The following BTD variants were observed in gnomAD, a reference collection of about 807,000 sequenced individuals.
The protein encoded by BTD is biocytinase.
BTD carries 13 observed loss-of-function variants against 17.7 expected under a neutral mutation model. That is an observed-to-expected ratio of 0.74 (90% CI 0.48 to 1.17). The LOEUF (loss-of-function observed/expected upper bound fraction) is 1.17, where lower values mean the gene tolerates loss of function less well. BTD is among the 50% of genes most tolerant of loss of function. The pLI is 0.00. For synonymous variants in BTD, 240 were observed against 245.2 expected (o/e 0.98, Z 0.20); for missense variants, 674 against 650.4 (o/e 1.04, Z -0.39).
At chr3:15,677,488 A>G in intron 3 of BTD, 1 of 1,611,242 alleles carries the variant, frequency 6.2e-7, no homozygotes, top group Non-Finnish European at 8.5e-7. Context: ...ACCTTGCTAC[A>G]AGCCAAATGG....
At chr3:15,695,539 C>G (rs559355870) in intron 3 of BTD, among the ~76,000 whole-genome samples, 2 of 152,206 alleles carry the variant, frequency 1.3e-5, no homozygotes, top group South Asian at 4.1e-4. Flanking sequence ...TGAAGGGAAG[C>G]AAAGTTTAAT....
intron 1 of BTD, among the ~76,000 whole-genome samples, chr3:15,628,516 C>G (rs1044652124): frequency 3.3e-5 from 5 of 152,122 alleles, no homozygotes; most frequent in African/African-American, 1.2e-4. Flanking sequence ...TTAAGGTAGT[C>G]CAAGAAGGAA....
At chr3:15,642,230 T>C in intron 3 of BTD, 173 bp downstream of exon 3, 1 of 1,469,280 alleles carries the variant, frequency 6.8e-7, no homozygotes, top group Non-Finnish European at 9.0e-7. Flanking sequence ...AAAGAATGTC[T>C]GACGTTACAA....
Position 15,601,967 on chromosome 3 carries a change from C to T in BTD, c.-17+73C>T, listed in dbSNP as rs1475969202. The T allele has an allele frequency of 3.8e-6, 6 of 1,590,086 alleles. No individual in the cohort carries two copies. The Admixed American group carries it at 8.7e-5, about 23-fold the overall frequency. On this transcript the variant is annotated intron_variant, in intron 1 of 3. Transcript: ENST00000643237. Reference sequence around the variant, plus strand: ...GCGGTCCAGACCCCGCCCCGGGCGCCCAGTTGGACTTGGGGAGGGCTGCGC... The same window carrying T: ...GCGGTCCAGACCCCGCCCCGGGCGCTCAGTTGGACTTGGGGAGGGCTGCGC...
chr3:15,634,815 G>A (rs2065300246), intron 1 of BTD, among the ~76,000 whole-genome samples: 1 of 152,290 alleles, frequency 6.6e-6, no homozygotes, highest in South Asian at 2.1e-4. Flanking sequence ...AGTAGCTATT[G>A]GCATTTATGT....
intron 2 of BTD, among the ~76,000 whole-genome samples, chr3:15,637,862 C>T (rs1181940992): frequency 1.3e-5 from 2 of 152,210 alleles, no homozygotes; most frequent in Non-Finnish European, 2.9e-5. Context: ...AATCTGCCCC[C>T]AGAGGAAACA....
chr3:15,685,342 G>T, intron 3 of BTD: 1 of 1,614,016 alleles, frequency 6.2e-7, no homozygotes, highest in Non-Finnish European at 8.5e-7. Context: ...GTGTCCACAG[G>T]CAGCAGACAG....
Position 15,682,249 on chromosome 3 carries a change from A to G in BTD, c.400-27811A>G, listed in dbSNP as rs369097216. 2.6e-5 allele frequency among the ~76,000 whole-genome samples: 4 copies of G among 152,268 alleles called. No homozygotes were observed. The South Asian group carries it at 6.2e-4, about 24-fold the overall frequency. ...AATAGACATTATTTTTAAATAAATC[A>G]GTAAGTATTTAAAAATTTCTCAATT... On this transcript the variant is annotated intron_variant, in intron 3 of 3. Transcript: ENST00000672141.
At chr3:15,677,992 C>T (rs1346337219) in intron 3 of BTD, among the ~76,000 whole-genome samples, 1 of 152,106 alleles carries the variant, frequency 6.6e-6, no homozygotes, top group African/African-American at 2.4e-5. Context: ...TGTTCTTAAC[C>T]ACTATGTTAT....
chr3:15,603,787 G>T (rs2064357462), intron 1 of BTD, among the ~76,000 whole-genome samples: 1 of 152,164 alleles, frequency 6.6e-6, no homozygotes, highest in African/African-American at 2.4e-5. Flanking sequence ...CAAGACAAAG[G>T]GGCTAAAGCC....
chr3:15,684,884 G>A (rs1384671342), intron 3 of BTD: 1 of 229,420 alleles, frequency 4.4e-6, no homozygotes, highest in South Asian at 6.0e-5. Flanking sequence ...AACACTTTGG[G>A]AGGCTGAGGT....
rs535292517 is a variant in BTD at position 15,645,293 on chromosome 3, G to A, written c.1377G>A (p.Thr459=). Residue 459 remains threonine (T), a synonymous_variant, in exon 4 of 4, where the codon ACG becomes ACA. Transcript: ENST00000643237. ...DTCGQEITEA[T]GIFEFHLWGN... ...GTGGACAGGAAATCACAGAGGCCACGGGGATATTTGAGTTTCACCTGTGGG... is the reference window on the plus strand; with the variant it reads ...GTGGACAGGAAATCACAGAGGCCACAGGGATATTTGAGTTTCACCTGTGGG... 4 of 1,614,186 alleles carry A rather than the reference G, an allele frequency of 2.5e-6. No homozygotes were observed. Among genetic ancestry groups the A allele is most frequent in the East Asian group, 2.2e-5 (1 of 44,888 alleles).
In BTD at chr3:15,697,674, C is replaced by T. The variant is rs563967724; in HGVS notation, c.400-12386C>T. ...TTGCCAGTATTTTATTGAGGATTTT[C>T]GCATTGATGTTCATCAGGGATATTG... is the stretch of plus-strand genomic sequence containing the variant. On this transcript the variant is annotated intron_variant, in intron 3 of 3. Transcript: ENST00000672141. Among the ~76,000 whole-genome samples, 314 of 152,100 alleles carry T rather than the reference C, an allele frequency of 2.1e-3. 2 individuals carry two copies. Among genetic ancestry groups the T allele is most frequent in the Middle Eastern group, 0.01 (3 of 294 alleles).
At chr3:15,612,986 C>T (rs371556263) in intron 1 of BTD, among the ~76,000 whole-genome samples, 9 of 152,108 alleles carry the variant, frequency 5.9e-5, no homozygotes, top group Non-Finnish European at 1.0e-4. Flanking sequence ...CAAGGTCAGC[C>T]GGGGAGAGAG....
At chr3:15,708,282 A>G (rs961480477) in intron 3 of BTD, among the ~76,000 whole-genome samples, 3 of 152,214 alleles carry the variant, frequency 2.0e-5, no homozygotes, top group African/African-American at 7.2e-5. Context: ...ATGAAAATGC[A>G]GTTATTTCAT....
At chr3:15,618,060 A>G (rs976023494) in intron 1 of BTD, among the ~76,000 whole-genome samples, 13 of 152,204 alleles carry the variant, frequency 8.5e-5, no homozygotes, top group Non-Finnish European at 1.5e-4. Context: ...GGATCAAGTG[A>G]TCTTCCCACT....
At chr3:15,677,177 T>C in intron 3 of BTD, 1 of 785,740 alleles carries the variant, frequency 1.3e-6, no homozygotes, top group South Asian at 1.7e-5. Flanking sequence ...ACCATGAATT[T>C]TCCTGGCTAA....
chr3:15,670,110 C>A, intron 3 of BTD: 1 of 767,676 alleles, frequency 1.3e-6, no homozygotes, highest in South Asian at 2.2e-5. Context: ...TAAAACTTGC[C>A]TTTAAAACTC....
chr3:15,636,271 G>C (rs759642724), intron 2 of BTD, among the ~76,000 whole-genome samples: 63 of 152,170 alleles, frequency 4.1e-4, no homozygotes, highest in Non-Finnish European at 6.9e-4. Flanking sequence ...GACTGTTTGA[G>C]GCTCGTTTCC....
Sources: gnomAD v4.1 joint callset for allele counts (sites outside exome capture counted in the v4.1 genomes callset) on GRCh38, gnomAD v4.1.1 for gene constraint, MANE v1.5 for transcripts, NCBI Gene and HGNC (gene_info 2026-07-23, HGNC 2026-07-21) for gene names.